Variants in SHROOM3 observed in about 807,000 individuals in gnomAD.
The protein encoded by SHROOM3 is protein Shroom3.
In SHROOM3, 47 loss-of-function variants were observed where a neutral mutation model predicts 138.6. The ratio of observed to expected loss-of-function variants is 0.34; its 90% CI spans 0.27 to 0.43. The LOEUF (loss-of-function observed/expected upper bound fraction) is 0.43, where lower values mean the gene tolerates loss of function less well. Among genes scored for constraint, SHROOM3 ranks in the 20% least tolerant of loss-of-function variants. SHROOM3 has a pLI of 1.00. For synonymous variants in SHROOM3, 1,062 were observed against 1,063.3 expected (o/e 1.00, Z 0.02); for missense variants, 2,491 against 2,596.5 (o/e 0.96, Z 0.88).
chr4:76,483,134 G>C (rs960969181), intron 1 of SHROOM3, among the ~76,000 whole-genome samples: 1 of 152,110 alleles, frequency 6.6e-6, no homozygotes, highest in African/African-American at 2.4e-5. Flanking sequence ...GGCAACAAAA[G>C]CCAAAATTGA....
chr4:76,776,334 T>G (rs777358308), intron 10 of SHROOM3, among the ~76,000 whole-genome samples: 1 of 152,246 alleles, frequency 6.6e-6, no homozygotes, highest in Non-Finnish European at 1.5e-5. Flanking sequence ...TATTTGTAGA[T>G]TCTGGATATT....
rs576516534 is a variant in SHROOM3 at position 76,485,816 on chromosome 4, T to C, written c.168+49596T>C. On this transcript the variant is annotated intron_variant, in intron 1 of 10. Coordinates refer to ENST00000296043, the MANE Select transcript of SHROOM3 (RefSeq NM_020859.4). The stretch of plus-strand genomic sequence containing the variant: ...AGATACAGGGATGTTTCCTTATTCT[T>C]TATGTCTTGCACATCTGAAATGTGT... Among the ~76,000 whole-genome samples the C allele has an allele frequency of 1.2e-4, 19 of 152,310 alleles. No homozygotes were observed. In the South Asian group the frequency reaches 3.5e-3, roughly 28 times the overall value.
At chr4:76,684,427 T>G (rs751693379) in intron 2 of SHROOM3, among the ~76,000 whole-genome samples, 6 of 152,260 alleles carry the variant, frequency 3.9e-5, no homozygotes, top group Non-Finnish European at 8.8e-5. Context: ...CTAACCTTTT[T>G]GCCTCTGTTT....
intron 2 of SHROOM3, among the ~76,000 whole-genome samples, chr4:76,676,833 C>G (rs373506051): frequency 1.3e-5 from 2 of 151,402 alleles, no homozygotes. Context: ...GTCCCAGCTA[C>G]TCGGGAGGCT....
intron 1 of SHROOM3, among the ~76,000 whole-genome samples, chr4:76,526,580 C>T (rs776292784): frequency 1.3e-5 from 2 of 152,138 alleles, no homozygotes; most frequent in Middle Eastern, 3.2e-3. Context: ...TGGAAGAGAA[C>T]GTCTACAGGA....
chr4:76,563,680 G>A (rs1733643318), intron 2 of SHROOM3, among the ~76,000 whole-genome samples: 1 of 152,172 alleles, frequency 6.6e-6, no homozygotes, highest in African/African-American at 2.4e-5. Context: ...ACTATCAAGT[G>A]GGCAGGCAGT....
chr4:76,623,825 G>A (rs1334439018), intron 2 of SHROOM3, among the ~76,000 whole-genome samples: 1 of 152,102 alleles, frequency 6.6e-6, no homozygotes, highest in Non-Finnish European at 1.5e-5. Flanking sequence ...AACACGCCTG[G>A]GATTTGAAAT....
chr4:76,473,608 CAAAAA>C (rs1443572423), intron 1 of SHROOM3, among the ~76,000 whole-genome samples: 1 of 149,794 alleles, frequency 6.7e-6, no homozygotes, highest in Non-Finnish European at 1.5e-5. Flanking sequence ...GACTCTGTCT[CAAAAA>C]AAGAAAAAAA....
intron 2 of SHROOM3, among the ~76,000 whole-genome samples, chr4:76,683,461 A>T (rs1202934163): frequency 1.3e-5 from 2 of 151,956 alleles, no homozygotes; most frequent in African/African-American, 4.8e-5. Context: ...CCCTCCAGCG[A>T]ATTTCCCTCA....
At chr4:76,667,753 G>A (rs1313820422) in intron 2 of SHROOM3, among the ~76,000 whole-genome samples, 1 of 151,410 alleles carries the variant, frequency 6.6e-6, no homozygotes, top group Non-Finnish European at 1.5e-5. Context: ...CGGATCATGA[G>A]GTCAGGAGAT....
At chr4:76,587,631 T>C (rs1334238835) in intron 2 of SHROOM3, among the ~76,000 whole-genome samples, 9 of 152,210 alleles carry the variant, frequency 5.9e-5, no homozygotes, top group Admixed American at 3.3e-4. Flanking sequence ...AGTGTCTTTA[T>C]AAAAACATTT....
intron 2 of SHROOM3, among the ~76,000 whole-genome samples, chr4:76,652,521 T>C (rs1735982309): frequency 6.6e-6 from 1 of 152,180 alleles, no homozygotes; most frequent in Non-Finnish European, 1.5e-5. Context: ...AGGTTACACA[T>C]AGCTGATGGG....
intron 7 of SHROOM3, among the ~76,000 whole-genome samples, chr4:76,755,713 A>T (rs1721785735): frequency 6.7e-6 from 1 of 148,454 alleles, no homozygotes; most frequent in Admixed American, 6.6e-5. Context: ...CTCAGTCTCA[A>T]AAGAGAAGAG....
chr4:76,629,995 A>T (rs13145509), intron 2 of SHROOM3, among the ~76,000 whole-genome samples: 55,255 of 151,732 alleles, frequency 0.36, 10,623 homozygotes, highest in East Asian at 0.51. Context: ...GTCCCGTCTC[A>T]AGAAGTTGCA....
intron 2 of SHROOM3, chr4:76,586,594 G>A: frequency 1.9e-6 from 1 of 519,292 alleles, no homozygotes; most frequent in Non-Finnish European, 2.5e-6. Flanking sequence ...AGGCCTTTGT[G>A]ATGAAATCAC....
chr4:76,618,303 T>TA (rs1033236619), intron 2 of SHROOM3, among the ~76,000 whole-genome samples: 15 of 152,034 alleles, frequency 9.9e-5, no homozygotes, highest in East Asian at 3.9e-4. Flanking sequence ...AGACTGTCTC[T>TA]AAAAAAAAGT....
chr4:76,466,992 G>A (rs746378879), intron 1 of SHROOM3, among the ~76,000 whole-genome samples: 6 of 151,544 alleles, frequency 4.0e-5, no homozygotes, highest in Non-Finnish European at 8.8e-5. Context: ...GCCAACCCTT[G>A]TGCTGGATGC....
intron 2 of SHROOM3, among the ~76,000 whole-genome samples, chr4:76,624,010 T>C (rs1267880604): frequency 1.3e-5 from 2 of 152,270 alleles, no homozygotes; most frequent in Non-Finnish European, 2.9e-5. Context: ...TTTGTCATTC[T>C]TGTACATGGA....
At chr4:76,580,524 C>T (rs1030276272) in intron 2 of SHROOM3, among the ~76,000 whole-genome samples, 1 of 139,474 alleles carries the variant, frequency 7.2e-6, no homozygotes, top group Non-Finnish European at 1.5e-5. Context: ...GTGATCTTGG[C>T]TCACTGCAGC....
Sources: gnomAD v4.1 joint callset for allele counts (sites outside exome capture counted in the v4.1 genomes callset) on GRCh38, gnomAD v4.1.1 for gene constraint, MANE v1.5 for transcripts, NCBI Gene and HGNC (gene_info 2026-07-23, HGNC 2026-07-21) for gene names.